The following GRIK5 variants were observed in gnomAD, a reference collection of about 807,000 sequenced individuals.
GRIK5 encodes the protein glutamate receptor ionotropic, kainate 5.
Under a neutral mutation model 97.4 loss-of-function variants are expected in GRIK5, and 43 were observed. The ratio of observed to expected loss-of-function variants is 0.44; its 90% CI spans 0.35 to 0.57. GRIK5 has a LOEUF of 0.57. Among genes scored for constraint, GRIK5 ranks in the 20% least tolerant of loss-of-function variants. The pLI is 0.01. For missense variants in GRIK5, 1,015 were observed against 1,382.0 expected (o/e 0.73, Z 4.21); for synonymous variants, 580 against 583.5 (o/e 0.99, Z 0.09).
intron 12 of GRIK5, among the ~76,000 whole-genome samples, chr19:42,032,469 A>G (rs551891249): frequency 1.3e-5 from 2 of 152,206 alleles, no homozygotes; most frequent in African/African-American, 4.8e-5. Flanking sequence ...CAGCACTTTC[A>G]CTTCTTGGAA....
At chr19:42,063,525 A>T (rs563533131) in intron 3 of GRIK5, 1 of 364,130 alleles carries the variant, frequency 2.7e-6, no homozygotes, top group South Asian at 2.1e-5. Flanking sequence ...AGCCATGGCA[A>T]CTGGTTCAGA....
rs2075438555 is a variant in GRIK5, at chr19:42,002,771, T to C, written c.2514+561A>G. Among the ~76,000 whole-genome samples the C allele has an allele frequency of 6.6e-6, 1 of 152,156 alleles. No individual in the cohort carries two copies. Among genetic ancestry groups the C allele is most frequent in the South Asian group, 2.1e-4 (1 of 4,826 alleles). On this transcript the variant is annotated intron_variant, in intron 19 of 19. Transcript: ENST00000593562. This position sits in a 1 kb window ranked among gnomAD's most constrained non-coding sequence, Gnocchi z 5.2. ...GGCTGTGTCCTCTTCTGGTTCCCTC[T>C]GTCACCCAGGCTGGAGTGCAGTGGT...
At chr19:42,032,283 T>C (rs1376053461) in intron 12 of GRIK5, among the ~76,000 whole-genome samples, 1 of 152,224 alleles carries the variant, frequency 6.6e-6, no homozygotes, top group Admixed American at 6.5e-5. Flanking sequence ...AATGATATTA[T>C]ATTTGGCCTT....
At chr19:42,013,278 G>C (rs1487597042) in intron 15 of GRIK5, among the ~76,000 whole-genome samples, 1 of 151,904 alleles carries the variant, frequency 6.6e-6, no homozygotes, top group Non-Finnish European at 1.5e-5. Flanking sequence ...CTTGAGCCCA[G>C]GAGTTTGAGG....
At position 42,003,553 on chromosome 19, in the gene GRIK5, A is replaced by G. The variant is rs782407991; in HGVS notation, c.2392+2T>C. The G allele has an allele frequency of 6.2e-7, 1 of 1,608,944 alleles. No homozygotes were observed. The highest frequency in any genetic ancestry group is 8.5e-7 in the Non-Finnish European group (1 of 1,177,250). ...AAGGGGACACCATACGCGGGAACTGACCTTTAGCTCGATGGTCCTCCTCCT... is the reference window on the plus strand; with the variant it reads ...AAGGGGACACCATACGCGGGAACTGGCCTTTAGCTCGATGGTCCTCCTCCT... On this transcript the variant is annotated splice_donor_variant, in intron 18 of 19. Coordinates refer to ENST00000593562, the MANE Select transcript of GRIK5 (RefSeq NM_002088.5). LOFTEE classifies it high-confidence loss of function. This position sits in a 1 kb window ranked among gnomAD's most constrained non-coding sequence, Gnocchi z 4.2.
At chr19:42,046,685 T>G (rs183146816) in intron 11 of GRIK5, among the ~76,000 whole-genome samples, 8 of 152,256 alleles carry the variant, frequency 5.3e-5, no homozygotes, top group Middle Eastern at 6.8e-3. Flanking sequence ...CAGAACAACG[T>G]GTACAATATG....
intron 11 of GRIK5, among the ~76,000 whole-genome samples, chr19:42,043,225 C>T (rs2146109763): frequency 6.6e-6 from 1 of 152,194 alleles, no homozygotes; most frequent in East Asian, 1.9e-4. Context: ...TAACTATGGG[C>T]AATACACTGA....
At chr19:42,069,127 G>T (rs2076386798) in intron 1 of GRIK5, 114 bp downstream of exon 1, 2 of 415,052 alleles carry the variant, frequency 4.8e-6, no homozygotes, top group South Asian at 1.6e-4. Flanking sequence ...GTGGGGGAGG[G>T]TACTTGCCAG....
chr19:42,002,979 G>A lies in GRIK5; in HGVS notation c.2514+353C>T, dbSNP rs893871498. Among the ~76,000 whole-genome samples the A allele has an allele frequency of 3.3e-5, 5 of 151,954 alleles. 1 individual carries two copies. The highest frequency in any genetic ancestry group is 9.7e-5 in the African/African-American group (4 of 41,340). On this transcript the variant is annotated intron_variant, in intron 19 of 19. Coordinates refer to ENST00000593562, the MANE Select transcript of GRIK5 (RefSeq NM_002088.5). The surrounding 1 kb of genome is among the most constrained non-coding windows in gnomAD (Gnocchi z 5.2). The stretch of plus-strand genomic sequence containing the variant: ...TTGAACTCCTGACCTCAGGTGATCC[G>A]CCAGCCTCGGCCTCCCAAAGTGCTG...
At chr19:42,051,760 T>C (rs756559125) in intron 11 of GRIK5, among the ~76,000 whole-genome samples, 1 of 152,224 alleles carries the variant, frequency 6.6e-6, no homozygotes, top group Non-Finnish European at 1.5e-5. Context: ...GAACAGGGCT[T>C]GTCTGGCTGT....
At chr19:42,013,482 T>C (rs1305126470) in intron 15 of GRIK5, among the ~76,000 whole-genome samples, 2 of 143,848 alleles carry the variant, frequency 1.4e-5, no homozygotes, top group African/African-American at 5.2e-5. Context: ...CGATCTCGGC[T>C]CACTGCAAGC....
intron 19 of GRIK5, among the ~76,000 whole-genome samples, chr19:42,000,913 C>T (rs782327995): frequency 1.3e-5 from 2 of 152,138 alleles, no homozygotes; most frequent in African/African-American, 2.4e-5. Flanking sequence ...TTTTCTGTGT[C>T]TTAGGATGTT....
In GRIK5 at chr19:42,003,763, C is replaced by T; in HGVS notation, c.2264-80G>A. 2 of 1,423,488 alleles carry T rather than the reference C, an allele frequency of 1.4e-6. No homozygotes were observed. Among genetic ancestry groups the T allele is most frequent in the Non-Finnish European group, 1.9e-6 (2 of 1,079,476 alleles). 88.2% of individuals were successfully genotyped at this position (1,423,488 alleles called of 1,614,324 possible). On this transcript the variant is annotated intron_variant, in intron 17 of 19. Transcript: ENST00000593562. This position sits in a 1 kb window ranked among gnomAD's most constrained non-coding sequence, Gnocchi z 4.2. The stretch of plus-strand genomic sequence containing the variant: ...CCCCAAACCCCAAACTGTGCCCTCA[C>T]CACGGCCTTCCCCCGCCTCTACCAC...
chr19:42,027,405 G>A (rs1183363673), intron 12 of GRIK5, among the ~76,000 whole-genome samples: 2 of 152,218 alleles, frequency 1.3e-5, no homozygotes, highest in South Asian at 2.1e-4. Flanking sequence ...GGTGGGAAGA[G>A]ACTTGCAGCA....
intron 12 of GRIK5, among the ~76,000 whole-genome samples, chr19:42,039,011 C>A (rs1029850049): frequency 2.0e-5 from 3 of 152,162 alleles, no homozygotes; most frequent in Non-Finnish European, 2.9e-5. Context: ...CTGCATCCCC[C>A]ACCCTAGGCA....
intron 15 of GRIK5, among the ~76,000 whole-genome samples, chr19:42,013,895 G>A (rs368925525): frequency 6.6e-5 from 10 of 151,626 alleles, no homozygotes; most frequent in African/African-American, 1.7e-4. Flanking sequence ...CGGGTGTGGC[G>A]TCGCACACCT....
In GRIK5 at chr19:42,069,083, G is replaced by A. The variant is rs2076385395; in HGVS notation, c.-51+158C>T. On this transcript the variant is annotated intron_variant, in intron 1 of 19. Transcript: ENST00000593562. ...TGAGAAGAGGTCGAGGTGAATGGAC[G>A]CTGAGGAGATGGAGGGCGCAGAGCA... 5 of 455,242 alleles carry A rather than the reference G, an allele frequency of 1.1e-5. No individual in the cohort carries two copies. The South Asian group carries it at 1.3e-4, about 12-fold the overall frequency. 28.2% of individuals were successfully genotyped at this position (455,242 alleles called of 1,614,324 possible).
At chr19:42,032,370 A>C (rs563388598) in intron 12 of GRIK5, among the ~76,000 whole-genome samples, 4 of 152,234 alleles carry the variant, frequency 2.6e-5, no homozygotes, top group Non-Finnish European at 4.4e-5. Context: ...TCACATTCTC[A>C]TGCACTTTGG....
rs1251252766 is a variant in GRIK5, at chr19:42,059,407, T to C, written c.629A>G (p.Lys210Arg). 1.2e-6 allele frequency: 2 copies of C among 1,613,894 alleles called. No homozygotes were observed. The highest frequency in any genetic ancestry group is 2.2e-5 in the East Asian group (1 of 44,884). The part of the protein sequence containing the change: ...TPLLKEIRDD[K>R]VSTIIIDANA... ...GGCGTCGATGATGATGGTGGACACC[T>C]TGTCATCACGGATCTCCTTGAGCAG... The change falls in exon 6 of 20, where the codon AAG becomes AGG. Residue 210 changes from lysine (K) to arginine (R), a missense_variant. This residue lies in a region of GRIK5 where 477 missense variants were observed against 701.1 expected (regional missense o/e 0.68). Transcript: ENST00000593562.
Sources: gnomAD v4.1 joint callset for allele counts (sites outside exome capture counted in the v4.1 genomes callset) on GRCh38, gnomAD v4.1.1 for gene constraint, gnomAD v4.1.1 regional missense constraint, Gnocchi (gnomAD v3.1) non-coding constraint, MANE v1.5 for transcripts, NCBI Gene and HGNC (gene_info 2026-07-23, HGNC 2026-07-21) for gene names.